EYA2: variants seen among roughly 807,000 people sequenced by gnomAD.
EYA2 encodes EYA transcriptional coactivator and phosphatase 2, also known as protein phosphatase EYA2.
In EYA2, 31 loss-of-function variants were observed where a neutral mutation model predicts 69.2. The ratio of observed to expected loss-of-function variants is 0.45; its 90% CI spans 0.34 to 0.60. The LOEUF (loss-of-function observed/expected upper bound fraction) is 0.60. Among genes scored for constraint, EYA2 ranks in the 20% least tolerant of loss-of-function variants. EYA2 has a pLI of 0.02. For missense variants in EYA2, 622 were observed against 701.2 expected (o/e 0.89, Z 1.28); for synonymous variants, 257 against 279.4 (o/e 0.92, Z 0.80).
At chr20:47,183,200 G>C (rs1202051679) in intron 14 of EYA2, 91 bp from the exon 15 acceptor site, 3 of 1,195,096 alleles carry the variant, frequency 2.5e-6, no homozygotes, top group Non-Finnish European at 3.7e-6. Flanking sequence ...TGGGAGCACA[G>C]CTGCAGGCAC....
chr20:47,142,917 A>G (rs1260407021), intron 9 of EYA2, 142 bp from the exon 10 acceptor site: 2 of 549,544 alleles, frequency 3.6e-6, no homozygotes, highest in Middle Eastern at 9.0e-4. Flanking sequence ...GGCCTCACAC[A>G]GAGACTCATT....
intron 3 of EYA2, among the ~76,000 whole-genome samples, chr20:47,003,453 G>T (rs1402595632): frequency 6.6e-6 from 1 of 152,222 alleles, no homozygotes. Flanking sequence ...GGTGGCTGCT[G>T]CTCAAATCCA....
At position 46,976,820 on chromosome 20, in the gene EYA2, T is replaced by C. The variant is rs564842983; in HGVS notation, c.-10-13181T>C. On this transcript the variant is annotated intron_variant, in intron 1 of 15. Transcript: ENST00000327619. ...AGCGACATGCAAACGGGTTTTTCAG[T>C]TTTAAACTGGGGGGCCCAGCAGTTT... Among the ~76,000 whole-genome samples the C allele has an allele frequency of 2.6e-5, 4 of 152,234 alleles. No homozygotes were observed. The South Asian group carries it at 8.3e-4, about 32-fold the overall frequency.
At chr20:46,987,964 C>CTCTCTATA (rs1555809797) in intron 1 of EYA2, among the ~76,000 whole-genome samples, 7 of 11,270 alleles carry the variant, frequency 6.2e-4, no homozygotes, top group South Asian at 4.8e-3. Context: ...CTCTCTCTCT[C>CTCTCTATA]TATATATATA....
intron 7 of EYA2, among the ~76,000 whole-genome samples, chr20:47,074,989 T>C (rs560296713): frequency 7.2e-5 from 11 of 152,190 alleles, no homozygotes; most frequent in Non-Finnish European, 1.3e-4. Context: ...CAGGCACCTG[T>C]AATCCCAGCT....
At chr20:47,129,511 T>C (rs1005558064) in intron 9 of EYA2, among the ~76,000 whole-genome samples, 6 of 151,698 alleles carry the variant, frequency 4.0e-5, no homozygotes, top group Non-Finnish European at 8.8e-5. Context: ...CAAGGCAGAG[T>C]GGAAGAGTAG....
intron 1 of EYA2, among the ~76,000 whole-genome samples, chr20:46,906,935 G>C (rs1984386747): frequency 1.3e-5 from 2 of 152,162 alleles, no homozygotes; most frequent in Non-Finnish European, 2.9e-5. Flanking sequence ...TTCTTACAAG[G>C]ATGTATTTGC....
rs191539282 is a variant in EYA2, at chr20:47,075,116, A to G, written c.661+781A>G. Among the ~76,000 whole-genome samples, 5 of 152,348 alleles carry G rather than the reference A, an allele frequency of 3.3e-5. No individual in the cohort carries two copies. The East Asian group carries it at 7.7e-4, about 24-fold the overall frequency. On this transcript the variant is annotated intron_variant, in intron 7 of 15. Coordinates refer to ENST00000327619, the MANE Select transcript of EYA2 (RefSeq NM_005244.5). ...ACAAGAGTGAAACTCCATCTCAAAA[A>G]ATTAAATAAATAAATAAAATACCCA...
At chr20:47,139,084 A>G (rs2033539679) in intron 9 of EYA2, among the ~76,000 whole-genome samples, 1 of 152,156 alleles carries the variant, frequency 6.6e-6, no homozygotes, top group Admixed American at 6.6e-5. Flanking sequence ...GTATGAATAG[A>G]CCACATTTCA....
intron 2 of EYA2, among the ~76,000 whole-genome samples, chr20:46,995,505 G>A (rs1477618837): frequency 1.3e-5 from 2 of 152,158 alleles, no homozygotes; most frequent in Non-Finnish European, 2.9e-5. Context: ...ACTTCTGGAT[G>A]CCTAGTGTGG....
chr20:47,165,358 A>G (rs1393392351), intron 10 of EYA2, among the ~76,000 whole-genome samples: 1 of 152,236 alleles, frequency 6.6e-6, no homozygotes, highest in African/African-American at 2.4e-5. Flanking sequence ...GCTTAGGTGT[A>G]ACCAGATGTC....
chr20:47,117,706 A>T, intron 9 of EYA2: 1 of 985,398 alleles, frequency 1.0e-6, no homozygotes, highest in Non-Finnish European at 1.2e-6. Context: ...TATTTGTAGA[A>T]GTTGCTAAGG....
chr20:47,133,471 A>G (rs746752968), intron 9 of EYA2, among the ~76,000 whole-genome samples: 4 of 152,212 alleles, frequency 2.6e-5, no homozygotes, highest in African/African-American at 4.8e-5. Flanking sequence ...GGGTATCTCC[A>G]CAATAGCATG....
At chr20:46,948,070 T>A (rs1421513690) in intron 1 of EYA2, among the ~76,000 whole-genome samples, 1 of 146,282 alleles carries the variant, frequency 6.8e-6, no homozygotes, top group Non-Finnish European at 1.5e-5. Flanking sequence ...TGAGCTATGA[T>A]CTGCACTCCA....
chr20:47,159,924 G>A (rs1568816495), intron 10 of EYA2, among the ~76,000 whole-genome samples: 1 of 152,052 alleles, frequency 6.6e-6, no homozygotes, highest in South Asian at 2.1e-4. Context: ...AGAGGCGGAG[G>A]CTGCAGTGAG....
At chr20:47,100,069 G>C (rs1385362129) in intron 9 of EYA2, among the ~76,000 whole-genome samples, 1 of 152,154 alleles carries the variant, frequency 6.6e-6, no homozygotes, top group Non-Finnish European at 1.5e-5. Flanking sequence ...CCAGTGCATG[G>C]AACAGTGTCT....
chr20:47,176,678 A>G (rs1052097368), intron 12 of EYA2, among the ~76,000 whole-genome samples: 1 of 152,180 alleles, frequency 6.6e-6, no homozygotes, highest in Non-Finnish European at 1.5e-5. Context: ...ACAAAAAACA[A>G]CAATGGCTTA....
chr20:46,946,049 G>T (rs548580703), intron 1 of EYA2, among the ~76,000 whole-genome samples: 24 of 152,276 alleles, frequency 1.6e-4, no homozygotes, highest in Non-Finnish European at 3.1e-4. Flanking sequence ...AATAAGTACT[G>T]ACCTCAGGAT....
At chr20:46,936,836 A>G (rs750141) in intron 1 of EYA2, among the ~76,000 whole-genome samples, 1,831 of 152,120 alleles carry the variant, frequency 0.012, 43 homozygotes, top group African/African-American at 0.042. Flanking sequence ...TAGTTTTGCG[A>G]TTCGGGGATT....
Sources: allele counts gnomAD v4.1 joint callset (sites outside exome capture counted in the v4.1 genomes callset), GRCh38; gene constraint gnomAD v4.1.1; transcripts MANE v1.5; gene names NCBI Gene and HGNC (gene_info 2026-07-23, HGNC 2026-07-21).